Variants in CCDC13 observed in about 807,000 individuals in gnomAD.
The protein encoded by CCDC13 is coiled-coil domain containing 13.
Under a neutral mutation model 87.3 loss-of-function variants are expected in CCDC13, and 70 were observed. The observed-to-expected ratio is 0.80, with a 90% confidence interval of 0.66 to 0.98. The LOEUF (loss-of-function observed/expected upper bound fraction) is 0.98. CCDC13 is among the 50% of genes least tolerant of loss of function. The pLI, the probability that CCDC13 is intolerant of heterozygous loss-of-function variation, is 0.00. For synonymous variants in CCDC13, 317 were observed against 360.3 expected, an observed-to-expected ratio of 0.88 and a Z score of 1.36; for missense variants, 842 against 892.0, an observed-to-expected ratio of 0.94 and a Z score of 0.71.
intron 12 of CCDC13, among the ~76,000 whole-genome samples, chr3:42,732,081 A>T (rs1037637798): frequency 2.0e-5 from 3 of 152,190 alleles, no homozygotes; most frequent in Admixed American, 6.5e-5. Flanking sequence ...CTGTGCTGTG[A>T]CAAGACCTCC....
At chr3:42,767,141 T>C (rs1351320512) in intron 1 of CCDC13, among the ~76,000 whole-genome samples, 1 of 151,696 alleles carries the variant, frequency 6.6e-6, no homozygotes, top group Admixed American at 6.6e-5. Context: ...TGACTGATTG[T>C]CTATGCAGAA....
rs554441207 is a variant in CCDC13 at position 42,735,232 on chromosome 3, C to T, written c.1371+475G>A. Among the ~76,000 whole-genome samples the T allele has an allele frequency of 8.5e-5, 13 of 152,182 alleles. No homozygotes were observed. In the South Asian group the frequency reaches 2.5e-3, roughly 29 times the overall value. Reference sequence around the variant, plus strand: ...TCACGCTGCGCGTAGCCCTGGAGTGCGGAGCAAGCAGGAGCTGAATGGTGC... The same window carrying T: ...TCACGCTGCGCGTAGCCCTGGAGTGTGGAGCAAGCAGGAGCTGAATGGTGC... On this transcript the variant is annotated intron_variant, in intron 10 of 15. Transcript: ENST00000310232.
intron 9 of CCDC13, among the ~76,000 whole-genome samples, chr3:42,736,862 G>A (rs1268727197): frequency 1.3e-5 from 2 of 152,136 alleles, no homozygotes; most frequent in African/African-American, 4.8e-5. Context: ...AGTCCAAGCT[G>A]TAGGGTTAGG....
At chr3:42,742,034 GC>G (rs1219359234) in intron 8 of CCDC13, among the ~76,000 whole-genome samples, 2 of 152,240 alleles carry the variant, frequency 1.3e-5, no homozygotes. Context: ...TGTATGGCCT[GC>G]CTGCACCTCT....
At chr3:42,740,087 CAT>C (rs1468164896) in intron 8 of CCDC13, among the ~76,000 whole-genome samples, 2 of 152,170 alleles carry the variant, frequency 1.3e-5, no homozygotes, top group African/African-American at 2.4e-5. Flanking sequence ...CTTCCTAGCA[CAT>C]GAGAGGAAAG....
chr3:42,707,690 G>C lies in CCDC13; in HGVS notation c.*1290C>G, dbSNP rs1698209054. ...TATGTCTTCACGTGTGGGAATGTGT[G>C]TCCACATCCACATGTGTGTGCTCAT... On this transcript the variant is annotated 3_prime_UTR_variant, in exon 16 of 16. Coordinates refer to ENST00000310232, the MANE Select transcript of CCDC13 (RefSeq NM_144719.4). Among the ~76,000 whole-genome samples the C allele has an allele frequency of 1.3e-5, 2 of 152,228 alleles. No individual in the cohort carries two copies. Among genetic ancestry groups the C allele is most frequent in the Admixed American group, 1.3e-4 (2 of 15,288 alleles).
At chr3:42,724,999 T>C (rs1403950303) in intron 13 of CCDC13, among the ~76,000 whole-genome samples, 1 of 151,442 alleles carries the variant, frequency 6.6e-6, no homozygotes, top group Non-Finnish European at 1.5e-5. Context: ...AATAAAAATA[T>C]AAACAACTCT....
chr3:42,732,934 A>G lies in CCDC13; in HGVS notation c.1548T>C (p.Ser516=). 1 of 1,554,254 alleles carries G rather than the reference A, an allele frequency of 6.4e-7. No individual in the cohort carries two copies. The highest frequency in any genetic ancestry group is 8.7e-7 in the Non-Finnish European group (1 of 1,148,154). The change falls in exon 12 of 16, where the codon TCT becomes TCC. Residue 516 remains serine, a synonymous_variant. Coordinates refer to ENST00000310232, the MANE Select transcript of CCDC13 (RefSeq NM_144719.4). ...VTSLGHTLVE[S]ALTRPSLPSP... is the part of the protein sequence containing the mutation. ...TGGGCAGGGAAGGCCTCGTGAGAGCAGATTCCACCAGTGTGTGGCCCAGGC... is the reference window on the plus strand; with the variant it reads ...TGGGCAGGGAAGGCCTCGTGAGAGCGGATTCCACCAGTGTGTGGCCCAGGC...
At chr3:42,725,869 A>T (rs1401138369) in intron 13 of CCDC13, among the ~76,000 whole-genome samples, 5 of 152,156 alleles carry the variant, frequency 3.3e-5, no homozygotes, top group Non-Finnish European at 7.3e-5. Context: ...TTGAAACCAC[A>T]CAAGGAAATA....
chr3:42,766,719 G>T (rs1015068680), intron 1 of CCDC13, among the ~76,000 whole-genome samples: 1 of 151,956 alleles, frequency 6.6e-6, no homozygotes, highest in East Asian at 1.9e-4. Flanking sequence ...TGACCAAATA[G>T]GAGTTACTTT....
chr3:42,758,416 GC>G, intron 1 of CCDC13, 65 bp from the exon 2 acceptor site: 1 of 1,482,122 alleles, frequency 6.7e-7, no homozygotes, highest in Non-Finnish European at 9.2e-7. Flanking sequence ...CACACAGTCC[GC>G]CCTGTCTGCA....
chr3:42,722,791 CTTT>C (rs956889825), intron 13 of CCDC13, among the ~76,000 whole-genome samples: 3 of 109,094 alleles, frequency 2.7e-5, no homozygotes, highest in African/African-American at 7.2e-5. Context: ...TATTCCTTTA[CTTT>C]TTTTTTTTTT....
intron 14 of CCDC13, among the ~76,000 whole-genome samples, chr3:42,711,246 C>CAAAAAAA (rs1174084143): frequency 5.3e-5 from 4 of 75,320 alleles, no homozygotes; most frequent in Admixed American, 1.6e-4. Context: ...ACTCTGTCTC[C>CAAAAAAA]AAAAAAAAAA....
intron 1 of CCDC13, among the ~76,000 whole-genome samples, chr3:42,772,955 T>G (rs534295297): frequency 6.6e-6 from 1 of 152,274 alleles, no homozygotes; most frequent in East Asian, 1.9e-4. Context: ...ACCCATGTAC[T>G]GCATGGAAAA....
At chr3:42,735,571 T>G (rs889930442) in intron 10 of CCDC13, 136 bp downstream of exon 10, 1 of 836,562 alleles carries the variant, frequency 1.2e-6, no homozygotes, top group East Asian at 2.4e-5. Flanking sequence ...GGGAGCCAGA[T>G]AGAAGCAGGT....
intron 5 of CCDC13, among the ~76,000 whole-genome samples, chr3:42,748,847 C>T (rs1315463599): frequency 6.6e-6 from 1 of 152,198 alleles, no homozygotes; most frequent in Non-Finnish European, 1.5e-5. Context: ...CTCCGCCCCC[C>T]CGGGTTGAAG....
Position 42,758,221 on chromosome 3 carries a change from C to T in CCDC13, c.125G>A (p.Ser42Asn). The change falls in exon 2 of 16, where the codon AGC (serine) becomes AAC (asparagine). Residue 42 changes from serine to asparagine, a missense_variant. Transcript: ENST00000310232. ...KKREKELSLK[S>N]RADDQEEPLE... is the part of the protein sequence containing the mutation. Reference sequence around the variant, plus strand: ...GGGCTCCTCTTGGTCGTCAGCTCTGCTTTTGAGGCTCAGTTCTTTTTCCCT... The same window carrying T: ...GGGCTCCTCTTGGTCGTCAGCTCTGTTTTTGAGGCTCAGTTCTTTTTCCCT... 4 of 1,614,100 alleles carry T rather than the reference C, an allele frequency of 2.5e-6. No homozygotes were observed. Among genetic ancestry groups the T allele is most frequent in the Non-Finnish European group, 3.4e-6 (4 of 1,180,026 alleles).
chr3:42,746,920 T>C (rs1418106998), intron 6 of CCDC13: 3 of 426,628 alleles, frequency 7.0e-6, no homozygotes, highest in Non-Finnish European at 1.3e-5. Context: ...ACCCAGGATC[T>C]ACTGGGGCAC....
At position 42,730,511 on chromosome 3, in the gene CCDC13, C is replaced by T. The variant is rs760077000; in HGVS notation, c.1674G>A (p.Val558=). 8 of 1,614,162 alleles carry T rather than the reference C, an allele frequency of 5.0e-6. No individual in the cohort carries two copies. Among genetic ancestry groups the T allele is most frequent in the Non-Finnish European group, 6.8e-6 (8 of 1,180,008 alleles). Residue 558 remains valine, a synonymous_variant, in exon 13 of 16, where the codon GTG becomes GTA. Coordinates refer to ENST00000310232, the MANE Select transcript of CCDC13 (RefSeq NM_144719.4). ...EIKALWQAAE[V]ERDRLTEFVT... ...CAAACTCGGTGAGCCGGTCACGCTC[C>T]ACCTCGGCAGCCTGCCAGAGGGCCT...
Sources: gnomAD v4.1 joint callset for allele counts (sites outside exome capture counted in the v4.1 genomes callset) on GRCh38, gnomAD v4.1.1 for gene constraint, MANE v1.5 for transcripts, NCBI Gene and HGNC (gene_info 2026-07-23, HGNC 2026-07-21) for gene names.